TEAD1: variants seen among roughly 807,000 people sequenced by gnomAD.
TEAD1 encodes the protein transcriptional enhancer factor TEF-1.
TEAD1 carries 9 observed loss-of-function variants against 54.9 expected under a neutral mutation model. That is an observed-to-expected ratio of 0.16 (90% CI 0.10 to 0.29). The LOEUF (loss-of-function observed/expected upper bound fraction) is 0.29. TEAD1 is among the 10% of genes least tolerant of loss of function. TEAD1 has a pLI of 1.00. For synonymous variants in TEAD1, 200 were observed against 187.8 expected (o/e 1.07, Z -0.53); for missense variants, 387 against 535.9 (o/e 0.72, Z 2.74).
At chr11:12,873,138 A>G (rs1318800069) in intron 5 of TEAD1, among the ~76,000 whole-genome samples, 1 of 152,118 alleles carries the variant, frequency 6.6e-6, no homozygotes, top group African/African-American at 2.4e-5. Flanking sequence ...GTCTCCCTCC[A>G]CTGAGCCCTC....
intron 4 of TEAD1, 181 bp from the exon 5 acceptor site, chr11:12,864,657 G>GTTTTTTTTTT: frequency 7.2e-7 from 1 of 1,383,752 alleles, no homozygotes; most frequent in South Asian, 1.5e-5. Flanking sequence ...GTTTTGTTTT[G>GTTTTTTTTTT]TTTCCCCTCA....
At chr11:12,880,566 C>T (rs1002908145) in intron 6 of TEAD1, among the ~76,000 whole-genome samples, 10 of 152,324 alleles carry the variant, frequency 6.6e-5, no homozygotes, top group South Asian at 4.1e-4. Context: ...GCCTGCATTG[C>T]CGCTTGGAGC....
intron 11 of TEAD1, among the ~76,000 whole-genome samples, chr11:12,925,538 C>T (rs574074744): frequency 1.5e-3 from 223 of 152,316 alleles, no homozygotes; most frequent in Non-Finnish European, 2.2e-3. Flanking sequence ...CCTTCTTTCT[C>T]CCACTTCTTT....
chr11:12,773,237 C>T (rs898450445), intron 3 of TEAD1, among the ~76,000 whole-genome samples: 4 of 152,148 alleles, frequency 2.6e-5, no homozygotes, highest in Admixed American at 6.5e-5. Context: ...TGAACATACA[C>T]GTATAGGTCT....
intron 3 of TEAD1, among the ~76,000 whole-genome samples, chr11:12,800,660 G>T (rs1340241027): frequency 6.6e-6 from 1 of 152,224 alleles, no homozygotes; most frequent in Non-Finnish European, 1.5e-5. Context: ...CAATGAAAGT[G>T]AATGGTGACA....
chr11:12,900,501 T>G (rs1948407225), intron 9 of TEAD1, among the ~76,000 whole-genome samples: 1 of 152,236 alleles, frequency 6.6e-6, no homozygotes, highest in Non-Finnish European at 1.5e-5. Flanking sequence ...GTGTCTTATT[T>G]AAACCCTGTA....
At chr11:12,879,448 G>A (rs1206963298) in intron 5 of TEAD1, 3 of 616,900 alleles carry the variant, frequency 4.9e-6, no homozygotes, top group Non-Finnish European at 5.8e-6. Flanking sequence ...TCTTCTGAGA[G>A]GCTTCACATT....
intron 3 of TEAD1, among the ~76,000 whole-genome samples, chr11:12,858,610 A>G (rs1371061269): frequency 6.6e-6 from 1 of 152,226 alleles, no homozygotes; most frequent in Non-Finnish European, 1.5e-5. Context: ...TAAAAGAAAT[A>G]ATTACTTATT....
chr11:12,853,865 G>C (rs1338845922), intron 3 of TEAD1, among the ~76,000 whole-genome samples: 8 of 152,144 alleles, frequency 5.3e-5, no homozygotes, highest in Non-Finnish European at 1.0e-4. Flanking sequence ...ACACTCACTG[G>C]CAGGGATATG....
At chr11:12,741,238 T>G (rs1351656457) in intron 2 of TEAD1, among the ~76,000 whole-genome samples, 1 of 152,194 alleles carries the variant, frequency 6.6e-6, no homozygotes, top group Admixed American at 6.5e-5. Context: ...TTTGCATTCA[T>G]GTACTGTTTT....
At chr11:12,824,494 C>A (rs1946611976) in intron 3 of TEAD1, among the ~76,000 whole-genome samples, 1 of 152,190 alleles carries the variant, frequency 6.6e-6, no homozygotes, top group Admixed American at 6.5e-5. Flanking sequence ...GTCTTTGGAA[C>A]CAGTGTGTTC....
At chr11:12,893,831 G>A (rs928628688) in intron 9 of TEAD1, among the ~76,000 whole-genome samples, 17 of 152,232 alleles carry the variant, frequency 1.1e-4, no homozygotes, top group Non-Finnish European at 2.5e-4. Flanking sequence ...CCAGAACAGG[G>A]CTGGTGCCCT....
intron 3 of TEAD1, among the ~76,000 whole-genome samples, chr11:12,766,736 G>T (rs1420716509): frequency 6.6e-6 from 1 of 152,208 alleles, no homozygotes; most frequent in Non-Finnish European, 1.5e-5. Flanking sequence ...AGCACATTTA[G>T]TGACCGTGTT....
intron 10 of TEAD1, among the ~76,000 whole-genome samples, chr11:12,913,876 A>C (rs1429726024): frequency 6.6e-6 from 1 of 152,238 alleles, no homozygotes; most frequent in South Asian, 2.1e-4. Context: ...TCATGCACAA[A>C]ACCTTGAAAC....
intron 2 of TEAD1, among the ~76,000 whole-genome samples, chr11:12,683,319 A>G (rs532621308): frequency 2.0e-5 from 3 of 152,334 alleles, no homozygotes; most frequent in East Asian, 1.9e-4. Context: ...TTGAAACAAC[A>G]CGTTTGCATC....
At chr11:12,720,464 T>C (rs529294457) in intron 2 of TEAD1, among the ~76,000 whole-genome samples, 21 of 152,328 alleles carry the variant, frequency 1.4e-4, no homozygotes, top group African/African-American at 4.6e-4. Flanking sequence ...GCAACTTTAC[T>C]GTATGCCAGG....
chr11:12,768,407 C>A (rs1415665007), intron 3 of TEAD1, among the ~76,000 whole-genome samples: 1 of 152,210 alleles, frequency 6.6e-6, no homozygotes, highest in Non-Finnish European at 1.5e-5. Flanking sequence ...GAACTGAAAA[C>A]AAAGAAGTGC....
At chr11:12,683,326 C>T (rs936433986) in intron 2 of TEAD1, among the ~76,000 whole-genome samples, 1 of 152,204 alleles carries the variant, frequency 6.6e-6, no homozygotes, top group Non-Finnish European at 1.5e-5. Flanking sequence ...AACACGTTTG[C>T]ATCTCTAGTC....
At chr11:12,693,228 G>A (rs145207034) in intron 2 of TEAD1, among the ~76,000 whole-genome samples, 146 of 152,356 alleles carry the variant, frequency 9.6e-4, no homozygotes, top group Non-Finnish European at 1.2e-3. Flanking sequence ...GTGTGTGTGC[G>A]TGTGTGCATG....
Sources: allele counts gnomAD v4.1 joint callset (sites outside exome capture counted in the v4.1 genomes callset), GRCh38; gene constraint gnomAD v4.1.1; transcripts MANE v1.5; gene names NCBI Gene and HGNC (gene_info 2026-07-23, HGNC 2026-07-21).